NT5DC3: variants seen among roughly 807,000 people sequenced by gnomAD.
NT5DC3 encodes 5'-nucleotidase domain containing 3.
NT5DC3 carries 42 observed loss-of-function variants against 67.8 expected under a neutral mutation model. That is an observed-to-expected ratio of 0.62 (90% CI 0.48 to 0.80). The LOEUF is 0.80. Ranked by LOEUF, NT5DC3 falls within the 30% of genes least tolerant of loss-of-function variation. The probability of loss-of-function intolerance (pLI) is 0.00; values close to 1 mark genes in which losing one functional copy is unlikely to be tolerated. For missense variants in NT5DC3, 570 were observed against 696.4 expected (o/e 0.82, Z 2.04); for synonymous variants, 237 against 255.6 (o/e 0.93, Z 0.69).
At chr12:103,767,153 C>G (rs1233500819), downstream of NT5DC3, among the ~76,000 whole-genome samples, 1 of 152,002 alleles carries the variant, frequency 6.6e-6, no homozygotes, top group Non-Finnish European at 1.5e-5. Context: ...TAGCATTATT[C>G]ATAAAAGCCA....
At chr12:103,794,149 T>C (rs1886195953) in intron 6 of NT5DC3, 152 bp from the exon 7 acceptor site, 5 of 494,896 alleles carry the variant, frequency 1.0e-5, no homozygotes, top group Non-Finnish European at 1.7e-5. Flanking sequence ...CATTTTCTTC[T>C]TCTTTTTTTT....
At chr12:103,763,758 C>T in the NT5DC3 span, 5 of 704,218 alleles carry the variant, frequency 7.1e-6, no homozygotes, top group African/African-American at 7.1e-5. Context: ...GTTTTGCAAG[C>T]TGACTGAAGC....
chr12:103,753,335 G>C, the NT5DC3 span: 1 of 1,614,242 alleles, frequency 6.2e-7, no homozygotes. Flanking sequence ...CCTACAACCA[G>C]CTCTCCTATG....
the NT5DC3 span, among the ~76,000 whole-genome samples, chr12:103,757,153 ATC>A: frequency 6.6e-6 from 1 of 151,418 alleles, no homozygotes; most frequent in Admixed American, 6.6e-5. Context: ...CAGTGGCATG[ATC>A]TCGGCTCATG....
At chr12:103,787,408 T>G in intron 11 of NT5DC3, 33 bp downstream of exon 11, 1 of 1,101,728 alleles carries the variant, frequency 9.1e-7, no homozygotes, top group Non-Finnish European at 1.3e-6. Flanking sequence ...CTAACACATC[T>G]GTCCCCCAAC....
the NT5DC3 span, among the ~76,000 whole-genome samples, chr12:103,758,768 C>T: frequency 6.6e-6 from 1 of 152,220 alleles, no homozygotes; most frequent in East Asian, 1.9e-4. Flanking sequence ...CTTCATATCA[C>T]GGCACACAGA....
intron 1 of NT5DC3, among the ~76,000 whole-genome samples, chr12:103,833,872 C>T (rs961758826): frequency 2.0e-5 from 3 of 152,216 alleles, no homozygotes; most frequent in Admixed American, 6.5e-5. Flanking sequence ...AAAGAAGACA[C>T]ACGCAACATT....
chr12:103,820,717 T>G (rs1485478688), intron 1 of NT5DC3: 1 of 152,192 alleles, frequency 6.6e-6, no homozygotes, highest in Non-Finnish European at 1.5e-5. Context: ...ATGATGTGCC[T>G]GTCACTCAGG....
At chr12:103,835,929 G>A (rs1011538498) in intron 1 of NT5DC3, among the ~76,000 whole-genome samples, 17 of 152,172 alleles carry the variant, frequency 1.1e-4, no homozygotes, top group Non-Finnish European at 2.1e-4. Flanking sequence ...AATCATGGCG[G>A]GAGGTGAAAG....
intron 2 of NT5DC3, among the ~76,000 whole-genome samples, chr12:103,814,642 A>G (rs768225394): frequency 1.3e-5 from 2 of 152,224 alleles, no homozygotes; most frequent in Non-Finnish European, 2.9e-5. Flanking sequence ...CAATTCATCA[A>G]GCTCCAGGAG....
chr12:103,746,703 A>G, the NT5DC3 span: 1 of 1,613,496 alleles, frequency 6.2e-7, no homozygotes, highest in Non-Finnish European at 8.5e-7. Context: ...TCACATGCAC[A>G]GGTAAGCCAC....
chr12:103,798,525 G>A (rs550683843), intron 5 of NT5DC3, 62 bp downstream of exon 5: 17 of 1,180,984 alleles, frequency 1.4e-5, no homozygotes, highest in African/African-American at 4.5e-5. Context: ...AGGTAAGTTC[G>A]ACAAGGCCAT....
In NT5DC3 at chr12:103,798,576, CT is replaced by C. The variant is rs772740918; in HGVS notation, c.615+10del. On this transcript the variant is annotated intron_variant, in intron 5 of 13. Coordinates refer to ENST00000392876, the MANE Select transcript of NT5DC3 (RefSeq NM_001031701.3). Reference sequence around the variant, plus strand: ...AAGGCTGCTTTAAATGAATAAAGTGCTTCTCATTACCTTTCCGTAAAAGTCA... The same window carrying C: ...AAGGCTGCTTTAAATGAATAAAGTGCTCTCATTACCTTTCCGTAAAAGTCA... 6.3e-7 allele frequency: 1 copy of C among 1,593,352 alleles called. No homozygotes were observed. The highest frequency in any genetic ancestry group is 8.6e-7 in the Non-Finnish European group (1 of 1,161,514).
chr12:103,813,722 G>A (rs1057150671), intron 2 of NT5DC3, among the ~76,000 whole-genome samples: 1 of 152,108 alleles, frequency 6.6e-6, no homozygotes, highest in African/African-American at 2.4e-5. Context: ...CACACACAAA[G>A]GAAGATGACT....
downstream of NT5DC3, among the ~76,000 whole-genome samples, chr12:103,767,393 G>GTTGA (rs1274690826): frequency 3.9e-5 from 6 of 152,182 alleles, no homozygotes; most frequent in African/African-American, 4.8e-5. Flanking sequence ...CAGAAAGTAG[G>GTTGA]TTGATTGCCA....
chr12:103,758,128 C>T, the NT5DC3 span: 1 of 1,612,696 alleles, frequency 6.2e-7, no homozygotes, highest in African/African-American at 1.3e-5. Flanking sequence ...GGTCCCTGCA[C>T]ACCAGGGCTG....
At chr12:103,793,645 C>T in intron 7 of NT5DC3, 133 bp from the exon 8 acceptor site, 1 of 668,912 alleles carries the variant, frequency 1.5e-6, no homozygotes, top group East Asian at 2.7e-5. Context: ...AAGGAAGAAG[C>T]TTTGTCCGGT....
chr12:103,836,978 C>T (rs1888176589), intron 1 of NT5DC3, among the ~76,000 whole-genome samples: 1 of 152,244 alleles, frequency 6.6e-6, no homozygotes, highest in African/African-American at 2.4e-5. Flanking sequence ...TCCCACCACA[C>T]ATTTCCCTTC....
chr12:103,804,186 T>A (rs557491097), intron 4 of NT5DC3, among the ~76,000 whole-genome samples: 1 of 152,202 alleles, frequency 6.6e-6, no homozygotes, highest in South Asian at 2.1e-4. Context: ...CTCCTCTCCA[T>A]CCTGAAACAC....
Sources: allele counts gnomAD v4.1 joint callset (sites outside exome capture counted in the v4.1 genomes callset), GRCh38; gene constraint gnomAD v4.1.1; transcripts MANE v1.5; gene names NCBI Gene and HGNC (gene_info 2026-07-23, HGNC 2026-07-21).